Variants in MAP3K14 observed in about 807,000 individuals in gnomAD.
MAP3K14 encodes NF-kappa-beta-inducing kinase.
Under a neutral mutation model 99.2 loss-of-function variants are expected in MAP3K14, and 16 were observed. That is an observed-to-expected ratio of 0.16 (90% CI 0.11 to 0.24). The LOEUF (loss-of-function observed/expected upper bound fraction) is 0.24, where lower values mean the gene tolerates loss of function less well. MAP3K14 is among the 10% of genes least tolerant of loss of function. The probability of loss-of-function intolerance (pLI) is 1.00; values close to 1 mark genes in which losing one functional copy is unlikely to be tolerated. For synonymous variants in MAP3K14, 462 were observed against 492.4 expected (o/e 0.94, Z 0.82); for missense variants, 784 against 1,208.7 (o/e 0.65, Z 5.21).
chr17:45,274,686 G>C (rs773239479), intron 6 of MAP3K14, 93 bp from the exon 7 acceptor site: 56 of 1,461,478 alleles, frequency 3.8e-5, no homozygotes, highest in African/African-American at 1.5e-4. Context: ...TCCACACACA[G>C]AGGCTGCTGC....
intron 11 of MAP3K14, among the ~76,000 whole-genome samples, chr17:45,269,108 C>T (rs1323750030): frequency 6.6e-6 from 1 of 152,144 alleles, no homozygotes; most frequent in Non-Finnish European, 1.5e-5. Flanking sequence ...CCTCGACCTT[C>T]CAGGCTCAAA....
At chr17:45,297,912 T>G (rs1309343648) in intron 1 of MAP3K14, among the ~76,000 whole-genome samples, 1 of 152,010 alleles carries the variant, frequency 6.6e-6, no homozygotes, top group African/African-American at 2.4e-5. Context: ...AGAGATGGGA[T>G]TTCCCCATGT....
At chr17:45,266,819 A>G in intron 13 of MAP3K14, 138 bp from the exon 14 acceptor site, 1 of 907,576 alleles carries the variant, frequency 1.1e-6, no homozygotes, top group Non-Finnish European at 1.6e-6. Flanking sequence ...ATGGGGGACG[A>G]AGGCCTGCCT....
intron 1 of MAP3K14, among the ~76,000 whole-genome samples, chr17:45,301,711 A>C (rs1279496675): frequency 6.6e-5 from 10 of 152,174 alleles, no homozygotes; most frequent in Admixed American, 6.5e-4. Context: ...AAATGCAGAT[A>C]CCTAGGACAT....
At chr17:45,313,362 A>G (rs1262765961) in intron 1 of MAP3K14, among the ~76,000 whole-genome samples, 1 of 152,118 alleles carries the variant, frequency 6.6e-6, no homozygotes, top group Non-Finnish European at 1.5e-5. Context: ...TACAGCCTCT[A>G]TGTTCTGTGC....
At chr17:45,282,185 C>T (rs918531156) in intron 6 of MAP3K14, 1 of 152,238 alleles carries the variant, frequency 6.6e-6, no homozygotes, top group African/African-American at 2.4e-5. Flanking sequence ...AATCCTCCCA[C>T]CTCAGCCTCC....
At chr17:45,265,349 T>C in intron 14 of MAP3K14, 86 bp from the exon 15 acceptor site, 2 of 855,754 alleles carry the variant, frequency 2.3e-6, no homozygotes, top group South Asian at 1.3e-5. Flanking sequence ...GGGAACGTTT[T>C]TGTTAAAAGT....
At chr17:45,294,238 G>T (rs569182249) in intron 1 of MAP3K14, among the ~76,000 whole-genome samples, 1 of 152,334 alleles carries the variant, frequency 6.6e-6, no homozygotes, top group East Asian at 1.9e-4. Flanking sequence ...ATAAGCCCAA[G>T]AAATCAGAAG....
chr17:45,295,150 C>G (rs574177835), intron 1 of MAP3K14, among the ~76,000 whole-genome samples: 4 of 152,122 alleles, frequency 2.6e-5, no homozygotes, highest in Non-Finnish European at 5.9e-5. Flanking sequence ...TCATTCAGTT[C>G]CCTGTTTTAG....
At chr17:45,309,649 G>A (rs1358801528) in intron 1 of MAP3K14, among the ~76,000 whole-genome samples, 1 of 152,148 alleles carries the variant, frequency 6.6e-6, no homozygotes, top group Non-Finnish European at 1.5e-5. Flanking sequence ...CAATCACCTG[G>A]CAGGCTGGAA....
Position 45,275,260 on chromosome 17 carries a change from G to A in MAP3K14, c.1291-667C>T, listed in dbSNP as rs193149414. ...GGTGGATCAAGGAGATCGAGGTCGG[G>A]AGATCAAGACCATCTTGGCCAACAT... On this transcript the variant is annotated intron_variant, in intron 6 of 15. Coordinates refer to ENST00000344686, the MANE Select transcript of MAP3K14 (RefSeq NM_003954.5). Among the ~76,000 whole-genome samples, 4 of 152,126 alleles carry A rather than the reference G, an allele frequency of 2.6e-5. No homozygotes were observed. In the East Asian group the frequency reaches 7.7e-4, roughly 29 times the overall value.
chr17:45,265,313 A>G (rs779275634), intron 14 of MAP3K14, 50 bp from the exon 15 acceptor site: 24 of 1,260,428 alleles, frequency 1.9e-5, no homozygotes. Flanking sequence ...TGGCTCCCCA[A>G]GGACCAGGGT....
At chr17:45,316,074 C>T (rs2044529217) in intron 1 of MAP3K14, among the ~76,000 whole-genome samples, 3 of 152,190 alleles carry the variant, frequency 2.0e-5, no homozygotes, top group Non-Finnish European at 4.4e-5. Context: ...TTGTCTCCAG[C>T]GATCAAAAGT....
intron 10 of MAP3K14, 66 bp from the exon 11 acceptor site, chr17:45,270,629 C>G: frequency 2.7e-6 from 4 of 1,475,536 alleles, no homozygotes; most frequent in Non-Finnish European, 2.7e-6. Context: ...GCTGTTATTG[C>G]TCTTTGCGCA....
At position 45,267,463 on chromosome 17, in the gene MAP3K14, T is replaced by C; in HGVS notation, c.2269A>G (p.Ser757Gly). 3 of 1,611,328 alleles carry C rather than the reference T, an allele frequency of 1.9e-6. No individual in the cohort carries two copies. Among genetic ancestry groups the C allele is most frequent in the Non-Finnish European group, 2.5e-6 (3 of 1,178,670 alleles). The change falls in exon 12 of 16, where the codon AGC (serine) becomes GGC (glycine). Residue 757 changes from serine (S) to glycine (G), a missense_variant. Physicochemically the swap from Ser to Gly is moderately conservative, Grantham distance 56. Coordinates refer to ENST00000344686, the MANE Select transcript of MAP3K14 (RefSeq NM_003954.5). The surrounding 1 kb of genome is among the most constrained non-coding windows in gnomAD (Gnocchi z 5.1). ...ACGGTTGCTTTCCGCTCTGGTGAGC[T>C]GGGGTTTCTGGCAGGGGCTGGCTCC... ...SLEPAPARNP[S>G]SPERKATVPE...
intron 1 of MAP3K14, among the ~76,000 whole-genome samples, chr17:45,315,749 T>C (rs2044525531): frequency 6.6e-6 from 1 of 152,138 alleles, no homozygotes; most frequent in Admixed American, 6.5e-5. Flanking sequence ...AGGCAAGATA[T>C]ATACCACCCC....
intron 1 of MAP3K14, among the ~76,000 whole-genome samples, chr17:45,311,749 G>C (rs2044481213): frequency 6.6e-6 from 1 of 152,204 alleles, no homozygotes. Context: ...GGCTGAAAAG[G>C]AGGCAGGTGG....
chr17:45,300,251 C>CA (rs2044376348), intron 1 of MAP3K14, among the ~76,000 whole-genome samples: 1 of 152,208 alleles, frequency 6.6e-6, no homozygotes, highest in Admixed American at 6.5e-5. Context: ...AAGGCCCCTT[C>CA]AGATGTTTAG....
rs571893035 is a variant in MAP3K14 at position 45,290,631 on chromosome 17, C to T, written c.115G>A (p.Val39Ile). The T allele has an allele frequency of 3.8e-5, 62 of 1,613,678 alleles. No individual in the cohort carries two copies. The highest frequency in any genetic ancestry group is 3.1e-4 in the East Asian group (14 of 44,816). ...TTCTCCACGGCCTCAAGCTTGTAGA[C>T]GGAGCTCTGTTTCTTCCCCAGTGGC... ...TPPLGKKQSSVYKLEAVEKSP... is the reference protein window; with the variant it reads ...TPPLGKKQSSIYKLEAVEKSP... Residue 39 changes from valine to isoleucine, a missense_variant, in exon 2 of 16, where the codon GTC becomes ATC. Physicochemically the swap from Val to Ile is conservative, Grantham distance 29. This residue lies in a region of MAP3K14 where 188 missense variants were observed against 313.0 expected (regional missense o/e 0.60). Coordinates refer to ENST00000344686, the MANE Select transcript of MAP3K14 (RefSeq NM_003954.5).
Sources: gnomAD v4.1 joint callset for allele counts (sites outside exome capture counted in the v4.1 genomes callset) on GRCh38, gnomAD v4.1.1 for gene constraint, gnomAD v4.1.1 regional missense constraint, Gnocchi (gnomAD v3.1) non-coding constraint, MANE v1.5 for transcripts, NCBI Gene and HGNC (gene_info 2026-07-23, HGNC 2026-07-21) for gene names.